The following DSCAML1 variants were observed in gnomAD, a reference collection of about 807,000 sequenced individuals.
DSCAML1 encodes cell adhesion molecule DSCAML1.
A neutral mutation model predicts 200.5 loss-of-function variants in DSCAML1; 38 were observed. The ratio of observed to expected loss-of-function variants is 0.19; its 90% CI spans 0.15 to 0.25. The LOEUF is 0.25. DSCAML1 is among the 10% of genes least tolerant of loss of function. DSCAML1 has a pLI of 1.00. For synonymous variants in DSCAML1, 1,215 were observed against 1,165.0 expected, an observed-to-expected ratio of 1.04 and a Z score of -0.87; for missense variants, 2,223 against 2,858.8, an observed-to-expected ratio of 0.78 and a Z score of 5.07.
chr11:117,681,042 G>A (rs755829885), intron 3 of DSCAML1, among the ~76,000 whole-genome samples: 24 of 152,144 alleles, frequency 1.6e-4, no homozygotes, highest in Non-Finnish European at 2.8e-4. Flanking sequence ...TCCCTCATTC[G>A]GACCCTGGAT....
intron 3 of DSCAML1, among the ~76,000 whole-genome samples, chr11:117,630,096 G>T (rs1260193911): frequency 6.6e-6 from 1 of 152,184 alleles, no homozygotes; most frequent in Non-Finnish European, 1.5e-5. Flanking sequence ...ACTGCAGACA[G>T]ACCTGCAGTG....
rs373009431 is a variant in DSCAML1 at position 117,808,066 on chromosome 11, C to T, written c.-250+9324G>A. On this transcript the variant is annotated intron_variant, in intron 1 of 2. Transcript: ENST00000525836. ...TGAACTCCTGACCTCGTGATCCGCC[C>T]GCCTAGGCTTCCCAAAGTGGTGCGA... Among the ~76,000 whole-genome samples the T allele has an allele frequency of 5.9e-5, 9 of 152,284 alleles. No homozygotes were observed. The East Asian group carries it at 1.2e-3, about 20-fold the overall frequency.
intron 3 of DSCAML1, among the ~76,000 whole-genome samples, chr11:117,692,318 GC>G (rs1017488152): frequency 1.3e-5 from 2 of 151,948 alleles, no homozygotes; most frequent in Admixed American, 6.6e-5. Context: ...CCCACCTTTT[GC>G]CTGTCACTTT....
At chr11:117,432,587 C>T (rs2047824067) in intron 29 of DSCAML1, 83 bp from the exon 30 acceptor site, 8 of 1,445,400 alleles carry the variant, frequency 5.5e-6, no homozygotes, top group Admixed American at 2.1e-5. Context: ...TTCTCTTTGT[C>T]TTTATCCAAT....
At chr11:117,810,226 C>CAAACTCCGTGGACCCA (rs1225993062) in intron 1 of DSCAML1, among the ~76,000 whole-genome samples, 4 of 150,258 alleles carry the variant, frequency 2.7e-5, no homozygotes, top group South Asian at 2.1e-4. Flanking sequence ...TCCGTGGACC[C>CAAACTCCGTGGACCCA]AAACTCCGTG....
In DSCAML1 at chr11:117,551,856, C is replaced by T. The variant is rs186125042; in HGVS notation, c.512-19334G>A. On this transcript the variant is annotated intron_variant, in intron 3 of 32. Coordinates refer to ENST00000651296, the MANE Select transcript of DSCAML1 (RefSeq NM_020693.4). ...AAGAGCGAGGAGAAATTAATATCAC[C>T]GAGGTGGTCCAGAGCTTCTGATACC... 8.5e-4 allele frequency among the ~76,000 whole-genome samples: 129 copies of T among 152,036 alleles called. No individual in the cohort carries two copies. In the East Asian group the frequency reaches 0.02, roughly 24 times the overall value.
chr11:117,486,885 A>C (rs1234429922), intron 11 of DSCAML1, among the ~76,000 whole-genome samples: 2 of 37,104 alleles, frequency 5.4e-5, no homozygotes, highest in Non-Finnish European at 1.0e-4. Flanking sequence ...AAATGTAGGA[A>C]GAAAAAAAAA....
At chr11:117,643,980 A>G (rs1373122222) in intron 3 of DSCAML1, among the ~76,000 whole-genome samples, 1 of 152,174 alleles carries the variant, frequency 6.6e-6, no homozygotes. Context: ...GGGCATGGAG[A>G]GGCCCCCTCA....
In DSCAML1 at chr11:117,583,764, C is replaced by A. The variant is rs77499331; in HGVS notation, c.512-51242G>T. ...TGTCCTGCCCTCTCTGCATCTTCAT[C>A]CACAGAATGGGAGGAGGCTGAATCC... On this transcript the variant is annotated intron_variant, in intron 3 of 32. Transcript: ENST00000651296. Among the ~76,000 whole-genome samples, 1,027 of 152,332 alleles carry A rather than the reference C, an allele frequency of 6.7e-3. 8 individuals are homozygous for A. The highest frequency in any genetic ancestry group is 0.022 in the African/African-American group (911 of 41,572).
chr11:117,650,225 C>T (rs886465958), intron 3 of DSCAML1, among the ~76,000 whole-genome samples: 1 of 152,156 alleles, frequency 6.6e-6, no homozygotes, highest in African/African-American at 2.4e-5. Flanking sequence ...CTGCCCACTC[C>T]CCACATGATT....
At chr11:117,695,396 A>C (rs1400165850) in intron 3 of DSCAML1, among the ~76,000 whole-genome samples, 1 of 148,952 alleles carries the variant, frequency 6.7e-6, no homozygotes, top group African/African-American at 2.5e-5. Flanking sequence ...ATTTCAAGAC[A>C]TGCTGAGCAT....
intron 3 of DSCAML1, among the ~76,000 whole-genome samples, chr11:117,598,296 G>A (rs183919573): frequency 6.6e-6 from 1 of 152,312 alleles, no homozygotes; most frequent in East Asian, 1.9e-4. Flanking sequence ...AAAGATAGTA[G>A]TTTTCATAGA....
At chr11:117,679,684 T>G (rs1367112638) in intron 3 of DSCAML1, among the ~76,000 whole-genome samples, 1 of 152,148 alleles carries the variant, frequency 6.6e-6, no homozygotes, top group Non-Finnish European at 1.5e-5. Context: ...TATTCTAATG[T>G]AATCCACAAA....
intron 3 of DSCAML1, among the ~76,000 whole-genome samples, chr11:117,539,523 G>A (rs1382888040): frequency 2.0e-5 from 3 of 147,250 alleles, no homozygotes; most frequent in African/African-American, 5.1e-5. Context: ...CAGGAGAATC[G>A]CTTGAACCCG....
intron 3 of DSCAML1, among the ~76,000 whole-genome samples, chr11:117,579,108 T>C (rs2050999950): frequency 6.6e-6 from 1 of 152,196 alleles, no homozygotes; most frequent in African/African-American, 2.4e-5. Context: ...TCTAAGTACA[T>C]TGCCATGGCC....
At chr11:117,484,134 C>T (rs1384189873) in intron 11 of DSCAML1, among the ~76,000 whole-genome samples, 2 of 151,350 alleles carry the variant, frequency 1.3e-5, no homozygotes, top group African/African-American at 2.4e-5. Context: ...TTTTCTCTCT[C>T]CTAGTTTTAA....
chr11:117,781,845 C>T (rs1427120269), intron 1 of DSCAML1, among the ~76,000 whole-genome samples: 1 of 152,254 alleles, frequency 6.6e-6, no homozygotes, highest in Non-Finnish European at 1.5e-5. Context: ...GGCAGGGCCA[C>T]CTGACTCGGA....
upstream of DSCAML1, chr11:117,797,218 C>A (rs746162458): frequency 6.7e-7 from 1 of 1,488,808 alleles, no homozygotes; most frequent in Non-Finnish European, 8.9e-7. Flanking sequence ...CGCTCGGCTG[C>A]GGCGGCGGCT....
At chr11:117,565,669 C>A (rs2050743525) in intron 3 of DSCAML1, among the ~76,000 whole-genome samples, 1 of 152,206 alleles carries the variant, frequency 6.6e-6, no homozygotes, top group African/African-American at 2.4e-5. Flanking sequence ...ATGCCCCCAT[C>A]CCCTGTGCTT....
Sources: allele counts gnomAD v4.1 joint callset (sites outside exome capture counted in the v4.1 genomes callset), GRCh38; gene constraint gnomAD v4.1.1; transcripts MANE v1.5; gene names NCBI Gene and HGNC (gene_info 2026-07-23, HGNC 2026-07-21).